The following PLXNA4 variants were observed in gnomAD, a reference collection of about 807,000 sequenced individuals.
PLXNA4 encodes the protein plexin A4.
A neutral mutation model predicts 191.8 loss-of-function variants in PLXNA4; 44 were observed. The observed-to-expected ratio is 0.23, with a 90% confidence interval of 0.18 to 0.29. PLXNA4 has a LOEUF of 0.29. PLXNA4 is among the 10% of genes least tolerant of loss of function. PLXNA4 has a pLI of 1.00. For synonymous variants in PLXNA4, 1,082 were observed against 1,009.5 expected, an observed-to-expected ratio of 1.07 and a Z score of -1.36; for missense variants, 1,800 against 2,488.8, an observed-to-expected ratio of 0.72 and a Z score of 5.89.
rs140626551 is a variant in PLXNA4 at position 132,509,354 on chromosome 7, C to T, written c.-86-575G>A. ...ACAGAGACCTCACTATTACTATCCA[C>T]CCATACTACATTGCCCCTTAAAGAG... is the stretch of plus-strand genomic sequence containing the variant. On this transcript the variant is annotated intron_variant, in intron 1 of 31. Transcript: ENST00000321063. Among the ~76,000 whole-genome samples, 519 of 152,332 alleles carry T rather than the reference C, an allele frequency of 3.4e-3. 1 individual carries two copies. The highest frequency in any genetic ancestry group is 5.1e-3 in the Admixed American group (78 of 15,302).
intron 9 of PLXNA4, among the ~76,000 whole-genome samples, chr7:132,222,508 C>G (rs1023013663): frequency 6.6e-6 from 1 of 152,110 alleles, no homozygotes; most frequent in Admixed American, 6.5e-5. Flanking sequence ...CTTCCTGCAC[C>G]TGGACAGGTC....
intron 2 of PLXNA4, among the ~76,000 whole-genome samples, chr7:132,506,736 C>A (rs1026808969): frequency 6.6e-6 from 1 of 152,190 alleles, no homozygotes; most frequent in African/African-American, 2.4e-5. Context: ...ACCAGCCATG[C>A]GAAGACCCCT....
chr7:132,407,891 C>T (rs1271564873), intron 3 of PLXNA4, among the ~76,000 whole-genome samples: 1 of 152,128 alleles, frequency 6.6e-6, no homozygotes, highest in African/African-American at 2.4e-5. Flanking sequence ...AATTTCATAG[C>T]TTTCTAGTGG....
chr7:132,443,384 A>G (rs1489833031), intron 3 of PLXNA4, among the ~76,000 whole-genome samples: 1 of 152,160 alleles, frequency 6.6e-6, no homozygotes, highest in African/African-American at 2.4e-5. Context: ...TGAAGTTTAA[A>G]TCAACTAGGC....
chr7:132,424,776 T>C (rs1052225482), intron 3 of PLXNA4, among the ~76,000 whole-genome samples: 2 of 152,212 alleles, frequency 1.3e-5, no homozygotes, highest in African/African-American at 4.8e-5. Context: ...AACATCACAT[T>C]ATATAATCAA....
chr7:132,378,934 C>A (rs1390979197), intron 3 of PLXNA4, among the ~76,000 whole-genome samples: 1 of 151,154 alleles, frequency 6.6e-6, no homozygotes, highest in Non-Finnish European at 1.5e-5. Context: ...TCACTACAAC[C>A]TCCGCCTCCC....
In PLXNA4 at chr7:132,307,640, C is replaced by T. The variant is rs368232369; in HGVS notation, c.1372-9418G>A. On this transcript the variant is annotated intron_variant, in intron 3 of 31. Transcript: ENST00000321063. ...AATGGAAACTGCCCAGCCAGGCCCG[C>T]GTGGCCGGTAGGTGCCCTGTTTCGC... 1.2e-4 allele frequency among the ~76,000 whole-genome samples: 19 copies of T among 152,204 alleles called. No homozygotes were observed. In the East Asian group the frequency reaches 1.4e-3, roughly 11 times the overall value.
chr7:132,148,029 G>A, intron 26 of PLXNA4, 30 bp from the exon 27 acceptor site: 2 of 1,613,962 alleles, frequency 1.2e-6, no homozygotes, highest in Non-Finnish European at 1.7e-6. Context: ...CAGGGCCTAG[G>A]CACAGCAGCT....
chr7:132,141,412 C>T (rs996930814), intron 29 of PLXNA4, among the ~76,000 whole-genome samples: 3 of 152,168 alleles, frequency 2.0e-5, no homozygotes, highest in Admixed American at 6.5e-5. Flanking sequence ...CTCATGGGCC[C>T]CATCGTATTC....
intron 9 of PLXNA4, among the ~76,000 whole-genome samples, chr7:132,217,672 T>C (rs567473036): frequency 1.7e-4 from 26 of 152,274 alleles, no homozygotes; most frequent in African/African-American, 6.3e-4. Flanking sequence ...ATATATTTTC[T>C]TGCTGTTCCC....
intron 2 of PLXNA4, among the ~76,000 whole-genome samples, chr7:132,496,337 C>T (rs1006016561): frequency 6.6e-6 from 1 of 152,124 alleles, no homozygotes; most frequent in Non-Finnish European, 1.5e-5. Context: ...TATCAAGTTG[C>T]TGAGAAAATA....
At position 132,416,133 on chromosome 7, in the gene PLXNA4, T is replaced by G. The variant is rs554965679; in HGVS notation, c.1371+73159A>C. 3.0e-4 allele frequency among the ~76,000 whole-genome samples: 45 copies of G among 152,354 alleles called. 1 individual carries two copies. Among genetic ancestry groups the G allele is most frequent in the Middle Eastern group, 3.4e-3 (1 of 294 alleles). ...CAGATATGAATATTGCCATTTTTAC[T>G]GAAAATTCACTAGGTAACACTGGTT... On this transcript the variant is annotated intron_variant, in intron 3 of 31. Coordinates refer to ENST00000321063, the MANE Select transcript of PLXNA4 (RefSeq NM_020911.2).
Position 132,322,184 on chromosome 7 carries a change from C to CTTTTTTTT in PLXNA4, c.1372-23970_1372-23963dup, listed in dbSNP as rs5887566. ...CTAGAGTTCAATTTCCCTAAAAGGG[C>CTTTTTTTT]TTTTTTTTTTTTTTTTTTAACAGAG... On this transcript the variant is annotated intron_variant, in intron 3 of 31. Coordinates refer to ENST00000321063, the MANE Select transcript of PLXNA4 (RefSeq NM_020911.2). 1.6e-4 allele frequency among the ~76,000 whole-genome samples: 19 copies of CTTTTTTTT among 122,450 alleles called. 1 individual carries two copies. Among genetic ancestry groups the CTTTTTTTT allele is most frequent in the African/African-American group, 3.6e-4 (12 of 33,306 alleles). The allele number at this position is 122,450 out of a possible 152,430, so 80.3% of individuals were successfully genotyped here.
chr7:132,302,321 C>T (rs1801338202), intron 3 of PLXNA4, among the ~76,000 whole-genome samples: 1 of 152,158 alleles, frequency 6.6e-6, no homozygotes, highest in South Asian at 2.1e-4. Context: ...CCACCCTCTG[C>T]AGGGGCTGAC....
At chr7:132,157,531 G>C (rs1229571754) in intron 25 of PLXNA4, among the ~76,000 whole-genome samples, 1 of 152,196 alleles carries the variant, frequency 6.6e-6, no homozygotes. Context: ...CTTAAGCACA[G>C]AAGCACACAT....
chr7:132,289,646 C>T (rs986352541), intron 4 of PLXNA4, among the ~76,000 whole-genome samples: 2 of 152,016 alleles, frequency 1.3e-5, no homozygotes, highest in Non-Finnish European at 2.9e-5. Context: ...AATCCCTCTG[C>T]CTCAGCCTCC....
chr7:132,501,784 T>C (rs34664844), intron 2 of PLXNA4, among the ~76,000 whole-genome samples: 66,514 of 152,094 alleles, frequency 0.44, 15,904 homozygotes, highest in East Asian at 0.73. Context: ...CAGTGCTAAA[T>C]AAGAAATCTG....
At chr7:132,522,588 T>C (rs1283784578) in intron 1 of PLXNA4, among the ~76,000 whole-genome samples, 1 of 152,136 alleles carries the variant, frequency 6.6e-6, no homozygotes, top group African/African-American at 2.4e-5. Context: ...CCTGGGCAAT[T>C]TGGTGAAGCC....
At chr7:132,254,501 G>A (rs535338636) in intron 4 of PLXNA4, among the ~76,000 whole-genome samples, 4 of 152,232 alleles carry the variant, frequency 2.6e-5, no homozygotes, top group East Asian at 1.9e-4. Context: ...TTTGAGCCTC[G>A]GTTTCCTCCT....
Sources: gnomAD v4.1 joint callset for allele counts (sites outside exome capture counted in the v4.1 genomes callset) on GRCh38, gnomAD v4.1.1 for gene constraint, MANE v1.5 for transcripts, NCBI Gene and HGNC (gene_info 2026-07-23, HGNC 2026-07-21) for gene names.